The following RBFOX1 variants were observed in gnomAD, a reference collection of about 807,000 sequenced individuals.
RBFOX1 encodes the protein RNA binding fox-1 homolog 1, also known as RNA binding protein fox-1 homolog 1.
RBFOX1 carries 8 observed loss-of-function variants against 57.7 expected under a neutral mutation model. The observed-to-expected ratio is 0.14, with a 90% confidence interval of 0.08 to 0.25. RBFOX1 has a LOEUF of 0.25. Among genes scored for constraint, RBFOX1 ranks in the 10% least tolerant of loss-of-function variants. The pLI, the probability that RBFOX1 is intolerant of heterozygous loss-of-function variation, is 1.00. For synonymous variants in RBFOX1, 326 were observed against 222.4 expected (o/e 1.47, Z -4.15); for missense variants, 611 against 548.5 (o/e 1.11, Z -1.14).
At chr16:6,248,697 G>C (rs551303648) in intron 1 of RBFOX1, among the ~76,000 whole-genome samples, 2 of 152,250 alleles carry the variant, frequency 1.3e-5, no homozygotes, top group East Asian at 3.9e-4. Context: ...ATTTGATATA[G>C]AGGTTAAGTA....
At chr16:7,381,559 C>A (rs557353520) in intron 4 of RBFOX1, among the ~76,000 whole-genome samples, 63 of 151,452 alleles carry the variant, frequency 4.2e-4, no homozygotes, top group Non-Finnish European at 8.1e-4. Flanking sequence ...ATGAATATAC[C>A]CTAAAAAGAG....
chr16:7,651,498 TC>T (rs1408658515), intron 11 of RBFOX1, among the ~76,000 whole-genome samples: 1 of 152,164 alleles, frequency 6.6e-6, no homozygotes, highest in Non-Finnish European at 1.5e-5. Context: ...TCCTTCCAAT[TC>T]TTTTGCCTTT....
At chr16:6,091,577 C>G (rs967689325) in intron 1 of RBFOX1, among the ~76,000 whole-genome samples, 2 of 152,174 alleles carry the variant, frequency 1.3e-5, no homozygotes, top group Non-Finnish European at 2.9e-5. Flanking sequence ...CGCCTGTAAT[C>G]CCAGGACTTT....
intron 5 of RBFOX1, among the ~76,000 whole-genome samples, chr16:7,576,766 T>A (rs549324126): frequency 2.6e-5 from 4 of 152,334 alleles, no homozygotes; most frequent in South Asian, 4.1e-4. Context: ...AACTGAAACA[T>A]CCAGCAGTTA....
intron 3 of RBFOX1, among the ~76,000 whole-genome samples, chr16:6,813,934 A>G (rs1349000962): frequency 1.3e-5 from 2 of 152,132 alleles, no homozygotes; most frequent in African/African-American, 4.8e-5. Flanking sequence ...TCCTCAAGTT[A>G]CCCAGCAAAC....
At chr16:7,612,885 G>C (rs929552620) in intron 10 of RBFOX1, among the ~76,000 whole-genome samples, 1 of 152,092 alleles carries the variant, frequency 6.6e-6, no homozygotes, top group Non-Finnish European at 1.5e-5. Context: ...TTCCATCAGC[G>C]GGACTATAAG....
At chr16:6,951,377 C>G (rs1045670614) in intron 3 of RBFOX1, among the ~76,000 whole-genome samples, 10 of 152,096 alleles carry the variant, frequency 6.6e-5, no homozygotes, top group East Asian at 1.9e-4. Flanking sequence ...ATAAATCACC[C>G]TAGTATAATG....
At position 5,637,482 on chromosome 16, in the gene RBFOX1, T is replaced by C. The variant is rs183570864; in HGVS notation, c.318+38521T>C. Among the ~76,000 whole-genome samples, 151 of 152,356 alleles carry C rather than the reference T, an allele frequency of 9.9e-4. 2 individuals are homozygous for C. The highest frequency in any genetic ancestry group is 3.4e-3 in the Middle Eastern group (1 of 294). Reference sequence around the variant, plus strand: ...ATAAAACCTCCTCATAGGGTTGTTGTGGGCTTAGCAAGCTAATGTCTATAA... The same window carrying C: ...ATAAAACCTCCTCATAGGGTTGTTGCGGGCTTAGCAAGCTAATGTCTATAA... On this transcript the variant is annotated intron_variant, in intron 3 of 19. Transcript: ENST00000641259.
At chr16:6,633,866 C>T (rs115984752) in intron 2 of RBFOX1, among the ~76,000 whole-genome samples, 4,370 of 152,092 alleles carry the variant, frequency 0.029, 215 homozygotes, top group African/African-American at 0.099. Context: ...AATAAATTAG[C>T]CATGCATGGT....
intron 2 of RBFOX1, among the ~76,000 whole-genome samples, chr16:6,352,847 A>G (rs1002507008): frequency 6.6e-6 from 1 of 152,202 alleles, no homozygotes; most frequent in Non-Finnish European, 1.5e-5. Context: ...TTGTTTTTAT[A>G]TAATTTCCTT....
At chr16:5,555,545 G>A (rs1032631945) in intron 2 of RBFOX1, among the ~76,000 whole-genome samples, 1 of 151,764 alleles carries the variant, frequency 6.6e-6, no homozygotes. Context: ...GCCACTGCAC[G>A]GGGCCTTGCA....
rs577299308 is a variant in RBFOX1 at position 6,968,763 on chromosome 16, C to G, written c.-15-83294C>G. ...TCCTCTCCCTCCTCTTTGCCTAGTA[C>G]CTTGTAAAGTAGCTGATTACCTTCA... On this transcript the variant is annotated intron_variant, in intron 3 of 15. Coordinates refer to ENST00000550418, the MANE Select transcript of RBFOX1 (RefSeq NM_018723.4). Among the ~76,000 whole-genome samples the G allele has an allele frequency of 3.9e-5, 6 of 152,178 alleles. No individual in the cohort carries two copies. The South Asian group carries it at 1.2e-3, about 32-fold the overall frequency.
intron 10 of RBFOX1, among the ~76,000 whole-genome samples, chr16:7,615,358 TG>T (rs2058272371): frequency 6.6e-6 from 1 of 151,888 alleles, no homozygotes. Flanking sequence ...ATAATAATAA[TG>T]AATGAAAACA....
At chr16:7,476,916 C>G (rs946032373) in intron 4 of RBFOX1, among the ~76,000 whole-genome samples, 1 of 152,104 alleles carries the variant, frequency 6.6e-6, no homozygotes, top group Non-Finnish European at 1.5e-5. Flanking sequence ...GCTTTTTCCC[C>G]CAAAGCTTTA....
At chr16:5,886,302 G>A (rs1200417849) in intron 4 of RBFOX1, among the ~76,000 whole-genome samples, 2 of 152,214 alleles carry the variant, frequency 1.3e-5, no homozygotes, top group Non-Finnish European at 2.9e-5. Flanking sequence ...AAACAGAGAT[G>A]ATGGGTGGTT....
intron 4 of RBFOX1, among the ~76,000 whole-genome samples, chr16:5,958,229 T>C (rs1331431170): frequency 6.6e-6 from 1 of 152,178 alleles, no homozygotes; most frequent in African/African-American, 2.4e-5. Flanking sequence ...AAAACAGAGC[T>C]TTCTTGTGGC....
intron 1 of RBFOX1, among the ~76,000 whole-genome samples, chr16:5,405,968 A>G (rs941692225): frequency 2.0e-5 from 3 of 152,176 alleles, no homozygotes; most frequent in South Asian, 2.1e-4. Flanking sequence ...ACAGGGAAGC[A>G]TGTCTGGACT....
chr16:7,100,118 T>C (rs1455545266), intron 4 of RBFOX1, among the ~76,000 whole-genome samples: 1 of 151,074 alleles, frequency 6.6e-6, no homozygotes, highest in African/African-American at 2.4e-5. Context: ...TAAAGCTCTC[T>C]GGTGAAGGGA....
intron 14 of RBFOX1, among the ~76,000 whole-genome samples, chr16:7,697,928 C>T (rs1347712324): frequency 1.3e-5 from 2 of 152,134 alleles, no homozygotes; most frequent in African/African-American, 4.8e-5. Context: ...TTGTCCCCTT[C>T]AGGCAGCAGG....
Sources: allele counts gnomAD v4.1 joint callset (sites outside exome capture counted in the v4.1 genomes callset), GRCh38; gene constraint gnomAD v4.1.1; transcripts MANE v1.5; gene names NCBI Gene and HGNC (gene_info 2026-07-23, HGNC 2026-07-21).